LRP1B: variants seen among roughly 807,000 people sequenced by gnomAD.
LRP1B encodes LDL receptor related protein 1B, also known as low-density lipoprotein receptor-related protein 1B.
Under a neutral mutation model 556.6 loss-of-function variants are expected in LRP1B, and 217 were observed. The observed-to-expected ratio is 0.39, with a 90% confidence interval of 0.35 to 0.44. The LOEUF (loss-of-function observed/expected upper bound fraction) is 0.44. Ranked by LOEUF, LRP1B falls within the 20% of genes least tolerant of loss-of-function variation. LRP1B has a pLI of 1.00. For missense variants in LRP1B, 5,053 were observed against 5,620.8 expected (o/e 0.90, Z 3.23); for synonymous variants, 2,047 against 1,865.8 (o/e 1.10, Z -2.50).
chr2:141,921,826 T>G (rs1009442963), intron 1 of LRP1B, among the ~76,000 whole-genome samples: 4 of 152,086 alleles, frequency 2.6e-5, no homozygotes, highest in African/African-American at 9.6e-5. Context: ...TAACTCTACT[T>G]TAATTTTCCA....
intron 72 of LRP1B, among the ~76,000 whole-genome samples, chr2:140,359,670 T>A (rs1682415152): frequency 6.6e-6 from 1 of 151,614 alleles, no homozygotes; most frequent in Admixed American, 6.6e-5. Context: ...CACTCTTGAA[T>A]TATTTGCTTA....
intron 3 of LRP1B, among the ~76,000 whole-genome samples, chr2:141,477,513 A>G (rs1177788942): frequency 6.6e-6 from 1 of 152,146 alleles, no homozygotes; most frequent in African/African-American, 2.4e-5. Flanking sequence ...AGTTCCTACA[A>G]TGTACCTTTG....
At chr2:142,080,132 TAA>T (rs1705658451) in intron 1 of LRP1B, among the ~76,000 whole-genome samples, 1 of 151,996 alleles carries the variant, frequency 6.6e-6, no homozygotes, top group African/African-American at 2.4e-5. Flanking sequence ...CATCAAGACA[TAA>T]AATTCACAAC....
At chr2:140,863,910 A>G (rs1409371341) in intron 27 of LRP1B, among the ~76,000 whole-genome samples, 1 of 152,032 alleles carries the variant, frequency 6.6e-6, no homozygotes, top group Non-Finnish European at 1.5e-5. Flanking sequence ...GAATGTCAAG[A>G]AAACATGACT....
chr2:140,247,401 T>C (rs1681213125), intron 86 of LRP1B, among the ~76,000 whole-genome samples: 2 of 151,678 alleles, frequency 1.3e-5, no homozygotes, highest in African/African-American at 2.4e-5. Flanking sequence ...ATTTTACTTA[T>C]TCTGTGTTAA....
chr2:141,399,116 C>T (rs575819582), intron 3 of LRP1B, among the ~76,000 whole-genome samples: 9 of 152,116 alleles, frequency 5.9e-5, no homozygotes, highest in South Asian at 2.1e-4. Flanking sequence ...ATTAGCTGGG[C>T]GTGGTGGCGC....
chr2:140,884,063 T>C (rs2105187948), intron 24 of LRP1B, 42 bp from the exon 25 acceptor site: 1 of 1,576,590 alleles, frequency 6.3e-7, no homozygotes, highest in Non-Finnish European at 8.7e-7. Flanking sequence ...CATTCAAGGA[T>C]TGTGTTAAGC....
intron 1 of LRP1B, among the ~76,000 whole-genome samples, chr2:142,089,929 G>A (rs977403606): frequency 2.6e-5 from 4 of 152,020 alleles, no homozygotes; most frequent in Non-Finnish European, 4.4e-5. Context: ...ATCTCTCATA[G>A]GCAGGTATGC....
At chr2:141,415,103 C>G (rs753278599) in intron 3 of LRP1B, among the ~76,000 whole-genome samples, 27 of 152,318 alleles carry the variant, frequency 1.8e-4, no homozygotes, top group Non-Finnish European at 3.8e-4. Flanking sequence ...CAAACTCCGC[C>G]TCCCGGGTTC....
intron 1 of LRP1B, among the ~76,000 whole-genome samples, chr2:141,850,832 A>G (rs973476420): frequency 4.0e-5 from 6 of 151,690 alleles, no homozygotes; most frequent in Non-Finnish European, 7.4e-5. Flanking sequence ...AGTTATTCTT[A>G]TTTGATGAGT....
chr2:141,057,720 T>G (rs1436125271), intron 9 of LRP1B, among the ~76,000 whole-genome samples: 1 of 151,946 alleles, frequency 6.6e-6, no homozygotes, highest in East Asian at 1.9e-4. Context: ...CATGTGGAAC[T>G]GTAAGTCCAA....
chr2:141,437,680 T>C (rs893608168), intron 3 of LRP1B, among the ~76,000 whole-genome samples: 1 of 151,980 alleles, frequency 6.6e-6, no homozygotes, highest in African/African-American at 2.4e-5. Context: ...TGCATTGGTA[T>C]TGAGAATCGT....
At chr2:140,308,757 C>G (rs750998409) in intron 83 of LRP1B, among the ~76,000 whole-genome samples, 3 of 151,810 alleles carry the variant, frequency 2.0e-5, no homozygotes, top group Non-Finnish European at 2.9e-5. Flanking sequence ...GACACTTAAA[C>G]TGCAGAGCAT....
At chr2:141,119,540 C>T (rs1700991199) in intron 7 of LRP1B, among the ~76,000 whole-genome samples, 3 of 151,682 alleles carry the variant, frequency 2.0e-5, no homozygotes, top group African/African-American at 7.3e-5. Flanking sequence ...ATCACGTATG[C>T]CATTGTCATG....
chr2:140,690,560 T>C (rs1335902414), intron 41 of LRP1B, among the ~76,000 whole-genome samples: 1 of 152,306 alleles, frequency 6.6e-6, no homozygotes, highest in Non-Finnish European at 1.5e-5. Flanking sequence ...CCACAGGACA[T>C]CTTTTGAGAT....
At chr2:141,312,300 T>G (rs1686842740) in intron 3 of LRP1B, among the ~76,000 whole-genome samples, 1 of 152,198 alleles carries the variant, frequency 6.6e-6, no homozygotes, top group African/African-American at 2.4e-5. Flanking sequence ...AAAAACTTTA[T>G]GATGATCCAC....
chr2:140,870,325 A>G (rs1025624630), intron 25 of LRP1B, among the ~76,000 whole-genome samples: 5 of 152,126 alleles, frequency 3.3e-5, no homozygotes, highest in Non-Finnish European at 7.4e-5. Context: ...ACATTGGCCC[A>G]GGACGTTGTC....
chr2:141,115,201 G>A (rs370437936), intron 7 of LRP1B, among the ~76,000 whole-genome samples: 1 of 151,266 alleles, frequency 6.6e-6, no homozygotes, highest in South Asian at 2.1e-4. Flanking sequence ...GTTACTCGAA[G>A]CCATATCTTA....
intron 1 of LRP1B, among the ~76,000 whole-genome samples, chr2:141,880,223 G>A (rs1164588701): frequency 6.6e-6 from 1 of 151,880 alleles, no homozygotes; most frequent in East Asian, 1.9e-4. Context: ...CTGAGGAAGG[G>A]AACTTGTCTG....
Sources: gnomAD v4.1 joint callset for allele counts (sites outside exome capture counted in the v4.1 genomes callset) on GRCh38, gnomAD v4.1.1 for gene constraint, MANE v1.5 for transcripts, NCBI Gene and HGNC (gene_info 2026-07-23, HGNC 2026-07-21) for gene names.